The following GALNT17 variants were observed in gnomAD, a reference collection of about 807,000 sequenced individuals.
GALNT17 encodes the protein polypeptide N-acetylgalactosaminyltransferase 17.
In GALNT17, 29 loss-of-function variants were observed where a neutral mutation model predicts 63.7. That is an observed-to-expected ratio of 0.46 (90% confidence interval 0.34 to 0.62). The LOEUF (loss-of-function observed/expected upper bound fraction) is 0.62. Among genes scored for constraint, GALNT17 ranks in the 20% least tolerant of loss-of-function variants. The pLI is 0.01. For synonymous variants in GALNT17, 305 were observed against 318.3 expected (o/e 0.96, Z 0.45); for missense variants, 603 against 799.6 (o/e 0.75, Z 2.97).
intron 1 of GALNT17, among the ~76,000 whole-genome samples, chr7:71,318,712 G>A (rs1791547184): frequency 6.6e-6 from 1 of 152,128 alleles, no homozygotes; most frequent in African/African-American, 2.4e-5. Flanking sequence ...ACAGATGTGA[G>A]CCACCTCTTG....
intron 1 of GALNT17, among the ~76,000 whole-genome samples, chr7:71,243,576 T>A (rs1048080027): frequency 6.6e-6 from 1 of 152,168 alleles, no homozygotes; most frequent in Non-Finnish European, 1.5e-5. Flanking sequence ...TTCTTGTCTT[T>A]TCTTTTCTTA....
At chr7:71,494,942 C>G (rs1221945244) in intron 5 of GALNT17, among the ~76,000 whole-genome samples, 12 of 152,124 alleles carry the variant, frequency 7.9e-5, no homozygotes, top group Non-Finnish European at 1.3e-4. Flanking sequence ...GCAACTGCCC[C>G]CATGATTCAA....
intron 1 of GALNT17, among the ~76,000 whole-genome samples, chr7:71,240,908 C>T (rs922676552): frequency 2.0e-5 from 3 of 152,128 alleles, no homozygotes; most frequent in East Asian, 3.9e-4. Flanking sequence ...TCGTGATCCG[C>T]CTGCCTCTTC....
intron 1 of GALNT17, among the ~76,000 whole-genome samples, chr7:71,133,908 C>A (rs1787734401): frequency 6.6e-6 from 1 of 152,166 alleles, no homozygotes; most frequent in Non-Finnish European, 1.5e-5. Context: ...TACTTAGGTA[C>A]AGACTACCTC....
In GALNT17 at chr7:71,711,942, C is replaced by A; in HGVS notation, c.1669-76C>A. On this transcript the variant is annotated intron_variant, in intron 10 of 10. Coordinates refer to ENST00000333538, the MANE Select transcript of GALNT17 (RefSeq NM_022479.3). Reference sequence around the variant, plus strand: ...CATTTTCTCTCTCCTGTCTCTCTTTCTCCTCTCTCTATATCTCTCGCTGTC... The same window carrying A: ...CATTTTCTCTCTCCTGTCTCTCTTTATCCTCTCTCTATATCTCTCGCTGTC... 5 of 1,498,874 alleles carry A rather than the reference C, an allele frequency of 3.3e-6. No homozygotes were observed. The South Asian group carries it at 4.7e-5, about 14-fold the overall frequency. 92.8% of individuals were successfully genotyped at this position (1,498,874 alleles called of 1,614,324 possible). A position where few individuals can be genotyped will look rare whatever the true frequency, so the allele number is the denominator to read the frequency against.
chr7:71,594,365 C>A (rs930611709), intron 6 of GALNT17, among the ~76,000 whole-genome samples: 2 of 152,136 alleles, frequency 1.3e-5, no homozygotes, highest in Non-Finnish European at 1.5e-5. Flanking sequence ...TCTCGGCTCA[C>A]TGCAACCTCC....
At chr7:71,281,055 G>A (rs1316110806) in intron 1 of GALNT17, among the ~76,000 whole-genome samples, 1 of 152,198 alleles carries the variant, frequency 6.6e-6, no homozygotes, top group East Asian at 1.9e-4. Context: ...ATAAAGGCAA[G>A]GAAAAGCAGG....
chr7:71,277,656 T>C (rs73700670), intron 1 of GALNT17, among the ~76,000 whole-genome samples: 11,230 of 152,194 alleles, frequency 0.074, 1,087 homozygotes, highest in African/African-American at 0.23. Context: ...TTTACAGACG[T>C]GCCAAGAGAA....
intron 1 of GALNT17, among the ~76,000 whole-genome samples, chr7:71,154,615 C>A (rs191981288): frequency 6.6e-6 from 1 of 152,132 alleles, no homozygotes; most frequent in Non-Finnish European, 1.5e-5. Flanking sequence ...CTCACTCTGT[C>A]GCCCAGGCTG....
At chr7:71,605,457 G>A (rs1455466757) in intron 6 of GALNT17, among the ~76,000 whole-genome samples, 1 of 151,950 alleles carries the variant, frequency 6.6e-6, no homozygotes, top group African/African-American at 2.4e-5. Context: ...GTGGTGGCGT[G>A]CGCTTGTAGT....
chr7:71,337,343 A>C (rs894811371), intron 2 of GALNT17, among the ~76,000 whole-genome samples: 7 of 151,888 alleles, frequency 4.6e-5, no homozygotes, highest in African/African-American at 1.7e-4. Context: ...ATATGTTTTG[A>C]TTTGATATTT....
chr7:71,506,512 C>T (rs1713602180), intron 5 of GALNT17, among the ~76,000 whole-genome samples: 1 of 152,122 alleles, frequency 6.6e-6, no homozygotes, highest in Non-Finnish European at 1.5e-5. Context: ...GGTGATCTGC[C>T]CACCTCGGCC....
At chr7:71,283,567 A>G (rs560680933) in intron 1 of GALNT17, among the ~76,000 whole-genome samples, 91 of 152,194 alleles carry the variant, frequency 6.0e-4, no homozygotes, top group Non-Finnish European at 1.1e-3. Flanking sequence ...AAGAAAATCT[A>G]TTCCAGATGA....
At chr7:71,277,864 C>G (rs1243114262) in intron 1 of GALNT17, among the ~76,000 whole-genome samples, 1 of 152,074 alleles carries the variant, frequency 6.6e-6, no homozygotes, top group Non-Finnish European at 1.5e-5. Context: ...GGCGGTCACC[C>G]GTGAAGAAAA....
chr7:71,459,455 C>T (rs1014842975), intron 5 of GALNT17, among the ~76,000 whole-genome samples: 5 of 152,210 alleles, frequency 3.3e-5, no homozygotes, highest in African/African-American at 1.2e-4. Context: ...AAATTTCAGG[C>T]TGAGGACTAA....
At chr7:71,387,739 C>G (rs1422890490) in intron 2 of GALNT17, among the ~76,000 whole-genome samples, 2 of 151,916 alleles carry the variant, frequency 1.3e-5, no homozygotes, top group Non-Finnish European at 2.9e-5. Context: ...TGCGGTGTGC[C>G]CTGAAGCTCA....
intron 7 of GALNT17, among the ~76,000 whole-genome samples, 193 bp from the exon 8 acceptor site, chr7:71,669,779 T>G (rs1280148696): frequency 6.6e-6 from 1 of 151,884 alleles, no homozygotes; most frequent in Non-Finnish European, 1.5e-5. Flanking sequence ...GCCAGGCTGG[T>G]CTCAAACTCC....
At chr7:71,511,708 A>G (rs1788359373) in intron 5 of GALNT17, among the ~76,000 whole-genome samples, 1 of 152,180 alleles carries the variant, frequency 6.6e-6, no homozygotes, top group Admixed American at 6.5e-5. Context: ...ATCATTAATA[A>G]ATAAGTCTAC....
At chr7:71,297,782 C>A (rs1791109389) in intron 1 of GALNT17, among the ~76,000 whole-genome samples, 1 of 152,150 alleles carries the variant, frequency 6.6e-6, no homozygotes, top group South Asian at 2.1e-4. Flanking sequence ...GTATATGCAG[C>A]AGAATGAATG....
Sources: gnomAD v4.1 joint callset for allele counts (sites outside exome capture counted in the v4.1 genomes callset) on GRCh38, gnomAD v4.1.1 for gene constraint, MANE v1.5 for transcripts, NCBI Gene and HGNC (gene_info 2026-07-23, HGNC 2026-07-21) for gene names.